AGK: variants seen among roughly 807,000 people sequenced by gnomAD.
AGK encodes the protein acylglycerol kinase, also known as acylglycerol kinase, mitochondrial.
A neutral mutation model predicts 66.4 loss-of-function variants in AGK; 52 were observed. That is an observed-to-expected ratio of 0.78 (90% CI 0.63 to 0.99). The LOEUF (loss-of-function observed/expected upper bound fraction) is 0.99. Among genes scored for constraint, AGK ranks in the 50% least tolerant of loss-of-function variants. The probability of loss-of-function intolerance (pLI) is 0.00; values close to 1 mark genes in which losing one functional copy is unlikely to be tolerated. For synonymous variants in AGK, 182 were observed against 181.1 expected (o/e 1.00, Z -0.04); for missense variants, 451 against 506.6 (o/e 0.89, Z 1.05).
intron 12 of AGK, 100 bp from the exon 13 acceptor site, chr7:141,641,711 A>G (rs965507153): frequency 3.1e-6 from 3 of 953,124 alleles, no homozygotes; most frequent in African/African-American, 1.7e-5. Context: ...GTCAGCAGAA[A>G]GGTTGAGAAG....
In AGK at chr7:141,654,251, GTTT is replaced by G. The variant is rs886062030; in HGVS notation, c.*1332_*1334del. 10 of 152,070 alleles carry G rather than the reference GTTT, an allele frequency of 6.6e-5. No homozygotes were observed. Among genetic ancestry groups the G allele is most frequent in the Non-Finnish European group, 1.0e-4 (7 of 67,986 alleles). The allele number at this position is 152,070 out of a possible 1,614,324, so 9.4% of individuals were successfully genotyped here. A position where few individuals can be genotyped will look rare whatever the true frequency, so the allele number is the denominator to read the frequency against. ...GGTATTAATTCTTGGATGATTAAAA[GTTT>G]TTTTATTAGAATGTTCTTTATCCTA... On this transcript the variant is annotated 3_prime_UTR_variant, in exon 16 of 16. Transcript: ENST00000649286.
intron 2 of AGK, among the ~76,000 whole-genome samples, chr7:141,581,622 G>T (rs1015606773): frequency 2.0e-5 from 3 of 151,864 alleles, no homozygotes; most frequent in Non-Finnish European, 1.5e-5. Flanking sequence ...ATGGTAAGGG[G>T]TGCATGATCA....
intron 2 of AGK, among the ~76,000 whole-genome samples, chr7:141,563,648 T>C (rs1249785119): frequency 1.3e-5 from 2 of 152,244 alleles, no homozygotes; most frequent in African/African-American, 4.8e-5. Context: ...GGTTGAATGC[T>C]AAACTTTATC....
rs1168898242 is a variant in AGK, at chr7:141,649,330, T to C, written c.1043T>C (p.Ile348Thr). Residue 348 changes from isoleucine to threonine, a missense_variant, in exon 14 of 16, where the codon ATA (isoleucine) becomes ACA (threonine). By Grantham distance (89) the Ile-to-Thr change is moderately conservative. Transcript: ENST00000649286. Reference protein sequence around the residue: ...DTISKGDFITIGSRKVRNPKL... With the variant: ...DTISKGDFITTGSRKVRNPKL... ...ATCAGCAAAGGAGACTTTATAACTATAGGGTAAGTGGACTGGGGTTCACAG... is the reference window on the plus strand; with the variant it reads ...ATCAGCAAAGGAGACTTTATAACTACAGGGTAAGTGGACTGGGGTTCACAG... The C allele has an allele frequency of 6.2e-7, 1 of 1,608,908 alleles. No individual in the cohort carries two copies. Among genetic ancestry groups the C allele is most frequent in the Admixed American group, 1.7e-5 (1 of 59,944 alleles).
At chr7:141,579,924 T>C (rs1275101244) in intron 2 of AGK, among the ~76,000 whole-genome samples, 1 of 151,924 alleles carries the variant, frequency 6.6e-6, no homozygotes, top group African/African-American at 2.4e-5. Flanking sequence ...AAACTGGCTG[T>C]GAGGGACAGA....
intron 2 of AGK, among the ~76,000 whole-genome samples, chr7:141,568,621 G>C (rs1477310128): frequency 6.6e-6 from 1 of 151,324 alleles, no homozygotes; most frequent in Non-Finnish European, 1.5e-5. Flanking sequence ...ACCCAGGCTG[G>C]AGTGCAGTGA....
intron 13 of AGK, among the ~76,000 whole-genome samples, chr7:141,643,554 C>T (rs1456103448): frequency 2.0e-5 from 3 of 152,014 alleles, no homozygotes; most frequent in Non-Finnish European, 2.9e-5. Flanking sequence ...AATTCACTTT[C>T]CTTTTAACAA....
Position 141,653,385 on chromosome 7 carries a change from C to CTGTT in AGK, c.*463_*466dup, listed in dbSNP as rs143849281. ...GCTGCTATTTTGTGAGCTCCGGCTC[C>CTGTT]TGTTTAGCTTTTATTTCAGTTCTAA... On this transcript the variant is annotated 3_prime_UTR_variant, in exon 16 of 16. Transcript: ENST00000649286. 3,432 of 154,244 alleles carry CTGTT rather than the reference C, an allele frequency of 0.022. 126 individuals are homozygous for CTGTT. The highest frequency in any genetic ancestry group is 0.077 in the African/African-American group (3,187 of 41,564). 9.6% of individuals were successfully genotyped at this position (154,244 alleles called of 1,614,324 possible). A position where few individuals can be genotyped will look rare whatever the true frequency, so the allele number is the denominator to read the frequency against.
chr7:141,613,123 T>G (rs12674361), intron 6 of AGK, among the ~76,000 whole-genome samples: 5,260 of 152,242 alleles, frequency 0.035, 144 homozygotes, highest in South Asian at 0.14. Flanking sequence ...AAGAAGGAAG[T>G]AGACCTCTCA....
chr7:141,601,548 G>A (rs759906761), intron 5 of AGK, among the ~76,000 whole-genome samples: 2 of 152,178 alleles, frequency 1.3e-5, no homozygotes, highest in Admixed American at 1.3e-4. Context: ...GAAGATGAAA[G>A]TTGTTATAGC....
At chr7:141,590,106 T>C (rs1274449375) in intron 2 of AGK, among the ~76,000 whole-genome samples, 1 of 152,198 alleles carries the variant, frequency 6.6e-6, no homozygotes, top group Non-Finnish European at 1.5e-5. Context: ...ATTTTACTTC[T>C]AGCAACAAAG....
At chr7:141,599,792 C>CT (rs1796304300) in intron 4 of AGK, among the ~76,000 whole-genome samples, 1 of 152,124 alleles carries the variant, frequency 6.6e-6, no homozygotes, top group Non-Finnish European at 1.5e-5. Flanking sequence ...ATCATTTACC[C>CT]TTTTATGTTC....
intron 13 of AGK, among the ~76,000 whole-genome samples, chr7:141,647,795 C>T (rs956705783): frequency 5.3e-5 from 8 of 152,242 alleles, no homozygotes; most frequent in South Asian, 2.1e-4. Context: ...CTCAGCCTCC[C>T]GAGTAGCTGG....
At chr7:141,556,489 C>T (rs13234499) in intron 2 of AGK, among the ~76,000 whole-genome samples, 5,032 of 151,172 alleles carry the variant, frequency 0.033, 132 homozygotes, top group South Asian at 0.14. Context: ...TGTGGTGATC[C>T]CAGATCGGGC....
chr7:141,649,720 A>G (rs1387523161), intron 14 of AGK, among the ~76,000 whole-genome samples: 1 of 152,264 alleles, frequency 6.6e-6, no homozygotes, highest in Non-Finnish European at 1.5e-5. Context: ...GAATGAAATA[A>G]TCATCTCTGC....
chr7:141,622,848 G>A lies in AGK; in HGVS notation c.588+1047G>A, dbSNP rs184017804. Among the ~76,000 whole-genome samples the A allele has an allele frequency of 2.6e-5, 4 of 152,014 alleles. No homozygotes were observed. In the East Asian group the frequency reaches 5.8e-4, roughly 22 times the overall value. On this transcript the variant is annotated intron_variant, in intron 9 of 15. Coordinates refer to ENST00000649286, the MANE Select transcript of AGK (RefSeq NM_018238.4). ...AGGCAGGTGGATCACTTGAGCAGGA[G>A]TTCAAGACCAGCCTGGCCAACATGG...
At chr7:141,615,450 T>A in intron 7 of AGK, 21 bp from the exon 8 acceptor site, 4 of 1,597,646 alleles carry the variant, frequency 2.5e-6, no homozygotes, top group Non-Finnish European at 3.4e-6. Flanking sequence ...AATAAAACTT[T>A]CCTCTTCTTT....
intron 2 of AGK, among the ~76,000 whole-genome samples, chr7:141,571,744 C>A (rs926761526): frequency 6.6e-6 from 1 of 152,136 alleles, no homozygotes; most frequent in South Asian, 2.1e-4. Context: ...AGCAAAGCAA[C>A]CCTGGATAGT....
intron 13 of AGK, 164 bp from the exon 14 acceptor site, chr7:141,649,094 GAAAAA>G (rs34553236): frequency 2.9e-4 from 93 of 316,274 alleles, no homozygotes; most frequent in South Asian, 4.5e-4. Context: ...AGCTCTTTGT[GAAAAA>G]AAAAAAAAAA....
Sources: gnomAD v4.1 joint callset for allele counts (sites outside exome capture counted in the v4.1 genomes callset) on GRCh38, gnomAD v4.1.1 for gene constraint, MANE v1.5 for transcripts, NCBI Gene and HGNC (gene_info 2026-07-23, HGNC 2026-07-21) for gene names.